The following COL25A1 variants were observed in gnomAD, a reference collection of about 807,000 sequenced individuals.
The protein encoded by COL25A1 is collagen type XXV alpha 1 chain.
COL25A1 carries 103 observed loss-of-function variants against 128.4 expected under a neutral mutation model. The observed-to-expected ratio is 0.80, with a 90% confidence interval of 0.68 to 0.94. The LOEUF is 0.94. Among genes scored for constraint, COL25A1 ranks in the 40% least tolerant of loss-of-function variants. The pLI, the probability that COL25A1 is intolerant of heterozygous loss-of-function variation, is 0.00. For missense variants in COL25A1, 745 were observed against 840.0 expected, an observed-to-expected ratio of 0.89 and a Z score of 1.40; for synonymous variants, 279 against 277.2, an observed-to-expected ratio of 1.01 and a Z score of -0.06.
intron 11 of COL25A1, among the ~76,000 whole-genome samples, chr4:108,932,556 T>C (rs1056997396): frequency 6.6e-6 from 1 of 152,148 alleles, no homozygotes; most frequent in African/African-American, 2.4e-5. Flanking sequence ...GGAGTTTATA[T>C]ATATTTAGGG....
chr4:109,093,598 A>T (rs1164343128), intron 3 of COL25A1, among the ~76,000 whole-genome samples: 1 of 152,024 alleles, frequency 6.6e-6, no homozygotes, highest in African/African-American at 2.4e-5. Context: ...CTATAATCAC[A>T]CCACTGCATT....
chr4:109,186,312 T>G (rs149230934), intron 3 of COL25A1, among the ~76,000 whole-genome samples: 2 of 152,352 alleles, frequency 1.3e-5, no homozygotes, highest in East Asian at 3.9e-4. Flanking sequence ...AATCTTTCTT[T>G]CTCATCTTTT....
At chr4:109,152,682 G>A (rs1486301801) in intron 3 of COL25A1, among the ~76,000 whole-genome samples, 2 of 152,172 alleles carry the variant, frequency 1.3e-5, no homozygotes, top group Non-Finnish European at 2.9e-5. Flanking sequence ...ATGTAATTTG[G>A]CCTTAAAAAG....
At chr4:108,834,297 T>C in intron 31 of COL25A1, 1 of 1,514,130 alleles carries the variant, frequency 6.6e-7, no homozygotes, top group Non-Finnish European at 9.0e-7. Flanking sequence ...GGGTCTGTGC[T>C]GAAGCACATG....
chr4:108,866,284 C>A lies in COL25A1; in HGVS notation c.1083+2804G>T, dbSNP rs1737907718. On this transcript the variant is annotated intron_variant, in intron 20 of 37. Transcript: ENST00000399132. ...CTCGGCTCACTGCAACCTCTGCCTC[C>A]TGGGCTCAGGTGATCCTTCCACCTC... is the stretch of plus-strand genomic sequence containing the variant. 2.6e-5 allele frequency among the ~76,000 whole-genome samples: 4 copies of A among 151,174 alleles called. No individual in the cohort carries two copies. The South Asian group carries it at 8.4e-4, about 32-fold the overall frequency.
intron 3 of COL25A1, among the ~76,000 whole-genome samples, chr4:109,090,711 A>C (rs989330738): frequency 5.3e-5 from 8 of 152,196 alleles, no homozygotes; most frequent in Non-Finnish European, 1.0e-4. Flanking sequence ...GAATATTATC[A>C]GTTTAAAATT....
At chr4:108,831,687 GGAGAGAGAGAGA>G (rs3062875) in intron 32 of COL25A1, among the ~76,000 whole-genome samples, 2 of 144,194 alleles carry the variant, frequency 1.4e-5, no homozygotes, top group Non-Finnish European at 3.0e-5. Flanking sequence ...AGAGAGAGGG[GGAGAGAGAGAGA>G]GAGAGAGAGA....
At chr4:109,213,811 T>C (rs556271752) in intron 3 of COL25A1, among the ~76,000 whole-genome samples, 1 of 152,338 alleles carries the variant, frequency 6.6e-6, no homozygotes, top group East Asian at 1.9e-4. Context: ...AGTTTAATAT[T>C]GCCTTTCTCC....
intron 3 of COL25A1, among the ~76,000 whole-genome samples, chr4:109,164,471 T>G (rs79690385): frequency 0.023 from 3,545 of 152,276 alleles, 119 homozygotes; most frequent in African/African-American, 0.073. Flanking sequence ...TGTGTTTGTT[T>G]GTTGGTTGGT....
intron 5 of COL25A1, among the ~76,000 whole-genome samples, chr4:109,042,568 A>G (rs930158532): frequency 7.2e-5 from 11 of 152,070 alleles, no homozygotes; most frequent in African/African-American, 2.7e-4. Flanking sequence ...TGCCTCCTAC[A>G]AGATAAATGG....
Position 108,947,384 on chromosome 4 carries a change from G to C in COL25A1, c.493-5947C>G, listed in dbSNP as rs867646282. Among the ~76,000 whole-genome samples the C allele has an allele frequency of 5.3e-5, 8 of 151,916 alleles. No homozygotes were observed. In the South Asian group the frequency reaches 6.2e-4, roughly 12 times the overall value. ...TTGAACCTGGGAGGCGGAGGTTGCAGTGAGCCGAAATAGTGCTGTTGCACT... is the reference window on the plus strand; with the variant it reads ...TTGAACCTGGGAGGCGGAGGTTGCACTGAGCCGAAATAGTGCTGTTGCACT... On this transcript the variant is annotated intron_variant, in intron 8 of 37. Transcript: ENST00000399132.
chr4:108,871,765 A>G (rs767633759), intron 19 of COL25A1, among the ~76,000 whole-genome samples: 9 of 152,230 alleles, frequency 5.9e-5, no homozygotes, highest in Non-Finnish European at 1.3e-4. Flanking sequence ...TTAGGATCAC[A>G]GTTTTCGTCT....
intron 3 of COL25A1, among the ~76,000 whole-genome samples, chr4:109,212,195 A>G (rs929052494): frequency 4.6e-5 from 7 of 152,132 alleles, no homozygotes; most frequent in Admixed American, 4.6e-4. Context: ...TTATTATCCT[A>G]TGGTTGTGTG....
intron 26 of COL25A1, among the ~76,000 whole-genome samples, chr4:108,851,188 T>C (rs545065641): frequency 6.6e-6 from 1 of 152,198 alleles, no homozygotes; most frequent in Admixed American, 6.6e-5. Flanking sequence ...AAAGATTATA[T>C]ATAGTTTTTT....
chr4:109,187,757 T>C (rs1471411606), intron 3 of COL25A1, among the ~76,000 whole-genome samples: 1 of 152,146 alleles, frequency 6.6e-6, no homozygotes, highest in Non-Finnish European at 1.5e-5. Context: ...AAAATCAGCT[T>C]TCCCCTTGCC....
chr4:109,173,527 ACT>A (rs1336717027), intron 3 of COL25A1, among the ~76,000 whole-genome samples: 1 of 152,032 alleles, frequency 6.6e-6, no homozygotes, highest in African/African-American at 2.4e-5. Flanking sequence ...GCAAAGTTAT[ACT>A]CTTTTTTTAA....
At chr4:108,905,852 G>GT (rs1354907366) in intron 13 of COL25A1, among the ~76,000 whole-genome samples, 1 of 149,988 alleles carries the variant, frequency 6.7e-6, no homozygotes, top group African/African-American at 2.5e-5. Flanking sequence ...CAGTATGTCG[G>GT]GGGGGGGTGC....
intron 3 of COL25A1, among the ~76,000 whole-genome samples, chr4:109,175,395 C>A (rs894998035): frequency 6.6e-6 from 1 of 152,176 alleles, no homozygotes; most frequent in African/African-American, 2.4e-5. Context: ...TCATTATTAA[C>A]CAACTTTAAC....
At chr4:108,992,070 T>TG (rs1345089046) in intron 6 of COL25A1, among the ~76,000 whole-genome samples, 2 of 152,164 alleles carry the variant, frequency 1.3e-5, no homozygotes, top group African/African-American at 4.8e-5. Flanking sequence ...AAAGTACAAA[T>TG]GGCAGCCTCA....
Sources: gnomAD v4.1 joint callset for allele counts (sites outside exome capture counted in the v4.1 genomes callset) on GRCh38, gnomAD v4.1.1 for gene constraint, MANE v1.5 for transcripts, NCBI Gene and HGNC (gene_info 2026-07-23, HGNC 2026-07-21) for gene names.